SLC36A3: variants seen among roughly 807,000 people sequenced by gnomAD.
SLC36A3 encodes proton-coupled amino acid transporter 3.
SLC36A3 carries 35 observed loss-of-function variants against 44.3 expected under a neutral mutation model. The observed-to-expected ratio is 0.79, with a 90% CI of 0.60 to 1.05. The LOEUF is 1.05. Among genes scored for constraint, SLC36A3 ranks in the 50% least tolerant of loss-of-function variants. The pLI is 0.00. For synonymous variants in SLC36A3, 211 were observed against 227.6 expected (o/e 0.93, Z 0.66); for missense variants, 540 against 578.7 (o/e 0.93, Z 0.69).
chr5:151,278,142 C>A (rs1754170219), intron 9 of SLC36A3, among the ~76,000 whole-genome samples: 1 of 152,158 alleles, frequency 6.6e-6, no homozygotes. Context: ...TTTGTAGTAT[C>A]TATATAATAT....
intron 1 of SLC36A3, among the ~76,000 whole-genome samples, chr5:151,299,264 C>CTCTCTATATATATATATATATA (rs1372309288): frequency 1.0e-4 from 6 of 59,646 alleles, no homozygotes; most frequent in African/African-American, 3.1e-4. Flanking sequence ...CTCTCTCTCT[C>CTCTCTATATATATATATATATA]TATATATATA....
chr5:151,292,377 C>T (rs552687275), intron 4 of SLC36A3, among the ~76,000 whole-genome samples: 1 of 152,272 alleles, frequency 6.6e-6, no homozygotes, highest in East Asian at 1.9e-4. Flanking sequence ...GACTCACTAC[C>T]TCCTGAGGGA....
At chr5:151,299,264 CTATATA>C (rs66776978) in intron 1 of SLC36A3, among the ~76,000 whole-genome samples, 929 of 59,574 alleles carry the variant, frequency 0.016, 10 homozygotes, top group African/African-American at 0.046. Context: ...CTCTCTCTCT[CTATATA>C]TATATATATA....
At chr5:151,302,817 G>A (rs946977547) in intron 1 of SLC36A3, among the ~76,000 whole-genome samples, 1 of 152,130 alleles carries the variant, frequency 6.6e-6, no homozygotes, top group African/African-American at 2.4e-5. Flanking sequence ...TGGAGACATG[G>A]GGTTAGCACC....
chr5:151,277,580 A>T lies in SLC36A3; in HGVS notation c.1226T>A (p.Ile409Asn), dbSNP rs1018843282. The T allele has an allele frequency of 3.7e-6, 6 of 1,614,076 alleles. No individual in the cohort carries two copies. Among genetic ancestry groups the T allele is most frequent in the Non-Finnish European group, 5.1e-6 (6 of 1,180,034 alleles). Residue 409 changes from isoleucine (I) to asparagine (N), a missense_variant, in exon 10 of 10, where the codon ATC (isoleucine) becomes AAC (asparagine). Ile to Asn is a moderately radical substitution (Grantham distance 149, BLOSUM62 -3). Transcript: ENST00000335230. ...GSVSSSALAL[I>N]IPALLEIVIF... ...GACGATCTCCAGGAGGGCTGGGATG[A>T]TGAGAGCCAGGGCGCTGCTGCTCAC...
chr5:151,292,736 C>A (rs1754804787), intron 4 of SLC36A3, among the ~76,000 whole-genome samples: 1 of 152,220 alleles, frequency 6.6e-6, no homozygotes, highest in African/African-American at 2.4e-5. Context: ...ATAATCCCAG[C>A]ACTTTGGGAG....
chr5:151,293,453 C>A lies in SLC36A3; in HGVS notation c.315G>T (p.Gln105His), dbSNP rs755305480. ...NCAQHLSQRL[Q>H]KTFVNYGEAT... The stretch of plus-strand genomic sequence containing the variant: ...CCTCTCCATAGTTCACAAAAGTCTT[C>A]TGCAGTCTAGGGGGAAAGAACAAAC... Residue 105 changes from glutamine (Q) to histidine (H), a missense_variant, in exon 4 of 10, where the codon CAG becomes CAT. Gln to His is a conservative substitution (Grantham distance 24, BLOSUM62 0). Transcript: ENST00000335230. The A allele has an allele frequency of 6.2e-7, 1 of 1,612,828 alleles. No homozygotes were observed.
intron 3 of SLC36A3, among the ~76,000 whole-genome samples, chr5:151,294,125 G>A (rs1251485533): frequency 1.3e-5 from 2 of 152,194 alleles, no homozygotes; most frequent in Admixed American, 1.3e-4. Context: ...AGATACCAGA[G>A]TTTAAATCCC....
chr5:151,286,203 T>C (rs1246883107), intron 6 of SLC36A3, among the ~76,000 whole-genome samples: 1 of 152,240 alleles, frequency 6.6e-6, no homozygotes, highest in Non-Finnish European at 1.5e-5. Context: ...TTGGTCTCCA[T>C]GGGAGAACTA....
rs138650573 is a variant in SLC36A3, at chr5:151,282,410, C to T, written c.975-1227G>A. Reference sequence around the variant, plus strand: ...CGCGAACTCCCAACCTCAGGTGATACGCCCTCCTCGGCCTCCCAAAGTGCC... The same window carrying T: ...CGCGAACTCCCAACCTCAGGTGATATGCCCTCCTCGGCCTCCCAAAGTGCC... On this transcript the variant is annotated intron_variant, in intron 8 of 9. Transcript: ENST00000335230. Among the ~76,000 whole-genome samples the T allele has an allele frequency of 1.2e-4, 19 of 152,232 alleles. No homozygotes were observed. The South Asian group carries it at 3.7e-3, about 30-fold the overall frequency.
At chr5:151,288,514 C>G in intron 4 of SLC36A3, 44 bp from the exon 5 acceptor site, 3 of 1,316,030 alleles carry the variant, frequency 2.3e-6, no homozygotes, top group Non-Finnish European at 3.1e-6. Flanking sequence ...GAAACAAAAG[C>G]TAAAATTATT....
chr5:151,283,955 C>G, intron 8 of SLC36A3, 89 bp downstream of exon 8: 4 of 1,447,882 alleles, frequency 2.8e-6, no homozygotes, highest in Non-Finnish European at 3.7e-6. Flanking sequence ...TTACCAGCTT[C>G]ATGGCTCAGC....
At chr5:151,287,002 T>C (rs1754558265) in intron 6 of SLC36A3, among the ~76,000 whole-genome samples, 1 of 151,960 alleles carries the variant, frequency 6.6e-6, no homozygotes, top group South Asian at 2.1e-4. Context: ...ATTTGTTGAA[T>C]GACCCATTAT....
intron 1 of SLC36A3, among the ~76,000 whole-genome samples, chr5:151,302,808 G>A (rs1260593502): frequency 1.3e-5 from 2 of 152,128 alleles, no homozygotes; most frequent in East Asian, 1.9e-4. Context: ...CAGTAAAGGT[G>A]GAGACATGGG....
intron 8 of SLC36A3, among the ~76,000 whole-genome samples, chr5:151,283,613 G>C (rs997511773): frequency 6.6e-6 from 1 of 152,156 alleles, no homozygotes; most frequent in African/African-American, 2.4e-5. Flanking sequence ...TCATTCTACA[G>C]CTCTGGATTT....
intron 1 of SLC36A3, among the ~76,000 whole-genome samples, chr5:151,298,981 G>A (rs1755057190): frequency 6.6e-6 from 1 of 152,098 alleles, no homozygotes; most frequent in Admixed American, 6.5e-5. Flanking sequence ...AATTCATCCA[G>A]TGATTTCTTT....
At chr5:151,278,390 A>T (rs565688369) in intron 9 of SLC36A3, among the ~76,000 whole-genome samples, 1 of 150,582 alleles carries the variant, frequency 6.6e-6, no homozygotes, top group Non-Finnish European at 1.5e-5. Context: ...AAGGGAGTCC[A>T]ATTTCAATAA....
intron 3 of SLC36A3, among the ~76,000 whole-genome samples, chr5:151,295,010 T>A (rs1469046): frequency 0.025 from 3,775 of 151,626 alleles, 160 homozygotes; most frequent in African/African-American, 0.087. Flanking sequence ...TAGCCAACTC[T>A]CAGGCCATCA....
intron 9 of SLC36A3, among the ~76,000 whole-genome samples, chr5:151,278,154 G>T (rs1754170939): frequency 6.6e-6 from 1 of 152,154 alleles, no homozygotes; most frequent in African/African-American, 2.4e-5. Context: ...ATATAATATA[G>T]CCTTTGTCTA....
Sources: gnomAD v4.1 joint callset for allele counts (sites outside exome capture counted in the v4.1 genomes callset) on GRCh38, gnomAD v4.1.1 for gene constraint, MANE v1.5 for transcripts, NCBI Gene and HGNC (gene_info 2026-07-23, HGNC 2026-07-21) for gene names.